Variants in TRIM24 observed in about 807,000 individuals in gnomAD.
TRIM24 encodes transcription intermediary factor 1-alpha.
In TRIM24, 29 loss-of-function variants were observed where a neutral mutation model predicts 123.9. The observed-to-expected ratio is 0.23, with a 90% CI of 0.17 to 0.32. The LOEUF is 0.32. Among genes scored for constraint, TRIM24 ranks in the 10% least tolerant of loss-of-function variants. The pLI is 1.00. For synonymous variants in TRIM24, 456 were observed against 461.1 expected, an observed-to-expected ratio of 0.99 and a Z score of 0.14; for missense variants, 932 against 1,295.3, an observed-to-expected ratio of 0.72 and a Z score of 4.31.
intron 2 of TRIM24, among the ~76,000 whole-genome samples, chr7:138,513,011 G>A (rs1796322464): frequency 6.6e-6 from 1 of 152,150 alleles, no homozygotes; most frequent in Non-Finnish European, 1.5e-5. Context: ...CTGCTGCTTA[G>A]AAACCAGATA....
intron 1 of TRIM24, among the ~76,000 whole-genome samples, chr7:138,478,528 G>A (rs937848315): frequency 6.6e-6 from 1 of 152,094 alleles, no homozygotes; most frequent in African/African-American, 2.4e-5. Context: ...CCAGGCTAGA[G>A]TGCAGTAGTG....
chr7:138,569,106 G>C (rs1270669005), intron 10 of TRIM24, among the ~76,000 whole-genome samples: 1 of 152,152 alleles, frequency 6.6e-6, no homozygotes, highest in African/African-American at 2.4e-5. Flanking sequence ...TAATAATTTT[G>C]TGGCACTTAC....
chr7:138,566,511 C>A (rs966543659), intron 9 of TRIM24, among the ~76,000 whole-genome samples: 3 of 151,918 alleles, frequency 2.0e-5, no homozygotes, highest in African/African-American at 7.3e-5. Flanking sequence ...AACAAACAAA[C>A]AAAAAACAGA....
chr7:138,573,718 T>C (rs1797701766), intron 12 of TRIM24, 76 bp downstream of exon 12: 2 of 1,484,730 alleles, frequency 1.3e-6, no homozygotes, highest in Non-Finnish European at 1.8e-6. Flanking sequence ...ATTACCCCTC[T>C]TCTCCTTTTT....
At chr7:138,506,899 A>T (rs922744229) in intron 2 of TRIM24, among the ~76,000 whole-genome samples, 5 of 152,134 alleles carry the variant, frequency 3.3e-5, no homozygotes, top group Non-Finnish European at 5.9e-5. Flanking sequence ...AGGTAGTGGG[A>T]GCTGAATTAG....
intron 4 of TRIM24, among the ~76,000 whole-genome samples, chr7:138,523,130 A>G (rs1164038310): frequency 3.3e-5 from 5 of 152,214 alleles, no homozygotes; most frequent in Non-Finnish European, 1.5e-5. Flanking sequence ...CCAAAAATTC[A>G]GTCTTTCAAA....
intron 2 of TRIM24, among the ~76,000 whole-genome samples, chr7:138,509,745 T>TTATAGAC (rs1479593382): frequency 6.9e-6 from 1 of 143,946 alleles, no homozygotes; most frequent in Non-Finnish European, 1.5e-5. Flanking sequence ...AAAAAAAGAA[T>TTATAGAC]TATAGACTAG....
At chr7:138,473,401 A>G (rs79011815) in intron 1 of TRIM24, among the ~76,000 whole-genome samples, 5,900 of 152,298 alleles carry the variant, frequency 0.039, 153 homozygotes, top group Middle Eastern at 0.088. Context: ...GTCTTTTTCA[A>G]TGCCTTACAT....
intron 2 of TRIM24, among the ~76,000 whole-genome samples, chr7:138,510,252 A>G (rs1261233971): frequency 6.6e-6 from 1 of 152,234 alleles, no homozygotes; most frequent in Non-Finnish European, 1.5e-5. Context: ...TGTAAAGCAT[A>G]AATGTTGCTT....
In TRIM24 at chr7:138,576,403, C is replaced by A; in HGVS notation, c.2045C>A (p.Pro682Gln). The A allele has an allele frequency of 6.2e-7, 1 of 1,613,842 alleles. No homozygotes were observed. The highest frequency in any genetic ancestry group is 8.5e-7 in the Non-Finnish European group (1 of 1,179,808). ...GPVTMTSVHP[P>Q]IRSPSASSVG... The stretch of plus-strand genomic sequence containing the variant: ...GTTACTATGACTAGTGTACACCCCC[C>A]AATACGTTCACCTAGTGCCTCCAGC... The change falls in exon 13 of 19, where the codon CCA (proline) becomes CAA (glutamine). Residue 682 changes from proline to glutamine, a missense_variant. Around this residue, in one of 7 missense-constraint regions of TRIM24, gnomAD observed 527 missense variants for 691.3 expected, o/e 0.76. Transcript: ENST00000343526.
At chr7:138,544,305 C>G (rs569617801) in intron 7 of TRIM24, among the ~76,000 whole-genome samples, 53 of 152,232 alleles carry the variant, frequency 3.5e-4, no homozygotes, top group Middle Eastern at 3.4e-3. Context: ...TTTCACTTAC[C>G]ATAGTGTCCT....
rs138971193 is a variant in TRIM24, at chr7:138,538,865, G to T, written c.1143+62G>T. The stretch of plus-strand genomic sequence containing the variant: ...TGCACAGTAAAACAATGGAGCCATT[G>T]TAATGCTTAAAATTTATTCTGCTTG... On this transcript the variant is annotated intron_variant, in intron 7 of 18. Coordinates refer to ENST00000343526, the MANE Select transcript of TRIM24 (RefSeq NM_015905.3). 2.4e-4 allele frequency: 346 copies of T among 1,418,332 alleles called. 4 individuals are homozygous for T. In the East Asian group the frequency reaches 8.0e-3, roughly 33 times the overall value. The allele number at this position is 1,418,332 out of a possible 1,614,324, so 87.9% of individuals were successfully genotyped here. A position where few individuals can be genotyped will look rare whatever the true frequency, so the allele number is the denominator to read the frequency against.
At chr7:138,555,482 A>AT (rs1203577540) in intron 9 of TRIM24, among the ~76,000 whole-genome samples, 4,130 of 138,512 alleles carry the variant, frequency 0.03, 76 homozygotes, top group East Asian at 0.051. Context: ...CTATAATCCA[A>AT]TTTTTTTTTT....
chr7:138,479,364 C>CT (rs545334031), intron 1 of TRIM24, among the ~76,000 whole-genome samples: 40 of 150,198 alleles, frequency 2.7e-4, no homozygotes, highest in Admixed American at 6.0e-4. Context: ...TTTGTCCAAC[C>CT]TTTTTTTTTT....
chr7:138,573,576 C>T lies in TRIM24; in HGVS notation c.1948C>T (p.Pro650Ser). ...RKDTNIDHGQ[P>S]RPPSNRTVQS... is the part of the protein sequence containing the mutation. ...AGATACTAATATAGATCATGGCCAG[C>T]CAAGACCACCCTCAAACAGAACGGT... Residue 650 changes from proline (P) to serine (S), a missense_variant, in exon 12 of 19, where the codon CCA becomes TCA. Around this residue, in one of 7 missense-constraint regions of TRIM24, gnomAD observed 527 missense variants for 691.3 expected, o/e 0.76. Transcript: ENST00000343526. The T allele has an allele frequency of 6.2e-7, 1 of 1,613,954 alleles. No homozygotes were observed. Among genetic ancestry groups the T allele is most frequent in the South Asian group, 1.1e-5 (1 of 91,058 alleles).
intron 1 of TRIM24, among the ~76,000 whole-genome samples, chr7:138,477,806 G>T (rs1246907374): frequency 6.6e-6 from 1 of 152,136 alleles, no homozygotes; most frequent in East Asian, 1.9e-4. Context: ...CTTGCAGCAG[G>T]CTTGAAAAGG....
At chr7:138,473,528 A>G (rs1795323373) in intron 1 of TRIM24, among the ~76,000 whole-genome samples, 1 of 152,142 alleles carries the variant, frequency 6.6e-6, no homozygotes, top group Non-Finnish European at 1.5e-5. Flanking sequence ...TCCTTTTGTA[A>G]TTAACAAATA....
chr7:138,504,616 A>G (rs1167556526), intron 2 of TRIM24, among the ~76,000 whole-genome samples: 1 of 151,570 alleles, frequency 6.6e-6, no homozygotes, highest in African/African-American at 2.4e-5. Context: ...GCGTGTCACC[A>G]TGCCCGGCTA....
Position 138,567,666 on chromosome 7 carries a change from C to G in TRIM24, c.1704+12C>G. The stretch of plus-strand genomic sequence containing the variant: ...AAGCCATAAAACAGGTATATATCTA[C>G]CTTCTTTTCTCAATTGCTTTTTCTG... On this transcript the variant is annotated intron_variant, in intron 10 of 18. Transcript: ENST00000343526. 8 of 1,568,726 alleles carry G rather than the reference C, an allele frequency of 5.1e-6. No homozygotes were observed. The highest frequency in any genetic ancestry group is 6.9e-6 in the Non-Finnish European group (8 of 1,159,240).
Sources: gnomAD v4.1 joint callset for allele counts (sites outside exome capture counted in the v4.1 genomes callset) on GRCh38, gnomAD v4.1.1 for gene constraint, gnomAD v4.1.1 regional missense constraint, MANE v1.5 for transcripts, NCBI Gene and HGNC (gene_info 2026-07-23, HGNC 2026-07-21) for gene names.